The following KCNH7 variants were observed in gnomAD, a reference collection of about 807,000 sequenced individuals.
KCNH7 encodes potassium voltage-gated channel subfamily H member 7.
KCNH7 carries 49 observed loss-of-function variants against 120.8 expected under a neutral mutation model. That is an observed-to-expected ratio of 0.41 (90% CI 0.32 to 0.51). The LOEUF (loss-of-function observed/expected upper bound fraction) is 0.51. Among genes scored for constraint, KCNH7 ranks in the 20% least tolerant of loss-of-function variants. The pLI is 0.38. For synonymous variants in KCNH7, 547 were observed against 516.1 expected, an observed-to-expected ratio of 1.06 and a Z score of -0.81; for missense variants, 1,097 against 1,446.6, an observed-to-expected ratio of 0.76 and a Z score of 3.92.
chr2:162,656,557 G>A (rs987780026), intron 2 of KCNH7, among the ~76,000 whole-genome samples: 4 of 152,170 alleles, frequency 2.6e-5, no homozygotes, highest in Non-Finnish European at 4.4e-5. Context: ...GATGAGAAAG[G>A]AGAGATGAGC....
At chr2:162,626,362 C>A (rs1052091674) in intron 2 of KCNH7, among the ~76,000 whole-genome samples, 2 of 151,872 alleles carry the variant, frequency 1.3e-5, no homozygotes, top group Non-Finnish European at 2.9e-5. Flanking sequence ...AAAATAAATC[C>A]AATACTAGAA....
At chr2:162,454,423 T>C (rs1688887946) in intron 6 of KCNH7, among the ~76,000 whole-genome samples, 1 of 152,216 alleles carries the variant, frequency 6.6e-6, no homozygotes. Flanking sequence ...AGGATTGTCT[T>C]GGCTATACCA....
chr2:162,724,597 G>A (rs1006928155), intron 2 of KCNH7, among the ~76,000 whole-genome samples: 3 of 149,466 alleles, frequency 2.0e-5, no homozygotes, highest in Admixed American at 6.6e-5. Context: ...GCGTGAACCC[G>A]GGAGGCGGAG....
At chr2:162,726,570 C>T (rs1294191191) in intron 2 of KCNH7, among the ~76,000 whole-genome samples, 1 of 152,064 alleles carries the variant, frequency 6.6e-6, no homozygotes, top group Non-Finnish European at 1.5e-5. Flanking sequence ...CAGGTGCCTG[C>T]CACCACGCCC....
intron 6 of KCNH7, among the ~76,000 whole-genome samples, chr2:162,489,610 C>T (rs1690223399): frequency 6.6e-6 from 1 of 152,202 alleles, no homozygotes; most frequent in Admixed American, 6.5e-5. Context: ...ATCTTATTTA[C>T]ATGTTTTTAT....
At chr2:162,695,041 C>T (rs1686242230) in intron 2 of KCNH7, among the ~76,000 whole-genome samples, 1 of 152,110 alleles carries the variant, frequency 6.6e-6, no homozygotes, top group Non-Finnish European at 1.5e-5. Context: ...GCTGGGATTG[C>T]AGGCGTGAGC....
intron 2 of KCNH7, among the ~76,000 whole-genome samples, chr2:162,619,090 C>T (rs568589050): frequency 6.6e-6 from 1 of 152,160 alleles, no homozygotes; most frequent in Admixed American, 6.5e-5. Flanking sequence ...TCTGCCTATC[C>T]ATTCATTTAT....
intron 2 of KCNH7, among the ~76,000 whole-genome samples, chr2:162,693,464 T>G (rs954381439): frequency 5.3e-5 from 8 of 152,176 alleles, no homozygotes; most frequent in Non-Finnish European, 7.4e-5. Context: ...TCAGAAAATG[T>G]CATAAGTTGG....
chr2:162,758,458 GTACACACACATATATA>G (rs557852007), intron 2 of KCNH7, among the ~76,000 whole-genome samples: 49 of 151,914 alleles, frequency 3.2e-4, no homozygotes, highest in Non-Finnish European at 6.5e-4. Flanking sequence ...TTGTTTATAT[GTACACACACATATATA>G]TACACACACA....
chr2:162,524,989 G>C (rs985552377), intron 3 of KCNH7, among the ~76,000 whole-genome samples: 1 of 151,938 alleles, frequency 6.6e-6, no homozygotes, highest in African/African-American at 2.4e-5. Flanking sequence ...ACCCTGATTA[G>C]TGGGTGACAA....
chr2:162,669,595 G>C (rs1685266464), intron 2 of KCNH7, among the ~76,000 whole-genome samples: 1 of 152,132 alleles, frequency 6.6e-6, no homozygotes, highest in Non-Finnish European at 1.5e-5. Context: ...GTAATTTTTG[G>C]TACCCATATT....
At chr2:162,413,138 G>GT (rs991155964) in intron 9 of KCNH7, among the ~76,000 whole-genome samples, 11 of 150,744 alleles carry the variant, frequency 7.3e-5, no homozygotes, top group East Asian at 3.9e-4. Flanking sequence ...CATTTTTTTT[G>GT]TTTTTTTTAA....
chr2:162,611,780 T>C (rs1682975518), intron 2 of KCNH7, among the ~76,000 whole-genome samples: 1 of 152,186 alleles, frequency 6.6e-6, no homozygotes, highest in East Asian at 1.9e-4. Context: ...TTTTCTCCCC[T>C]GAGACACCAG....
At chr2:162,702,815 T>C (rs1353024474) in intron 2 of KCNH7, among the ~76,000 whole-genome samples, 1 of 152,182 alleles carries the variant, frequency 6.6e-6, no homozygotes, top group Non-Finnish European at 1.5e-5. Context: ...ACTTGAAGTT[T>C]ACCTCTTCCA....
chr2:162,604,263 T>C (rs1489547830), intron 2 of KCNH7, among the ~76,000 whole-genome samples: 2 of 152,262 alleles, frequency 1.3e-5, no homozygotes, highest in Admixed American at 6.6e-5. Flanking sequence ...AAGAAGTAGA[T>C]ATGAATATTC....
At chr2:162,785,495 G>GACTTT (rs1282171628) in intron 2 of KCNH7, among the ~76,000 whole-genome samples, 4 of 151,924 alleles carry the variant, frequency 2.6e-5, no homozygotes, top group East Asian at 3.9e-4. Flanking sequence ...ACATTTCACT[G>GACTTT]ACTTTACTTT....
chr2:162,642,673 G>A (rs1489159855), intron 2 of KCNH7, among the ~76,000 whole-genome samples: 1 of 152,174 alleles, frequency 6.6e-6, no homozygotes, highest in African/African-American at 2.4e-5. Context: ...AGGAGCAAGA[G>A]AACACCTGGC....
At chr2:162,755,903 T>C (rs932713892) in intron 2 of KCNH7, among the ~76,000 whole-genome samples, 1 of 152,184 alleles carries the variant, frequency 6.6e-6, no homozygotes, top group African/African-American at 2.4e-5. Flanking sequence ...ACCAGAGTGA[T>C]AGTCTTATTT....
chr2:162,454,982 G>A (rs1688910132), intron 6 of KCNH7, among the ~76,000 whole-genome samples: 1 of 152,090 alleles, frequency 6.6e-6, no homozygotes, highest in African/African-American at 2.4e-5. Flanking sequence ...ATCTTGAATA[G>A]GAGTGGTGAG....
Sources: allele counts gnomAD v4.1 joint callset (sites outside exome capture counted in the v4.1 genomes callset), GRCh38; gene constraint gnomAD v4.1.1; transcripts MANE v1.5; gene names NCBI Gene and HGNC (gene_info 2026-07-23, HGNC 2026-07-21).